The following EDIL3 variants were observed in gnomAD, a reference collection of about 807,000 sequenced individuals.
The protein encoded by EDIL3 is EGF like and discoidin domains 3, also known as EGF-like repeat and discoidin I-like domain-containing protein 3.
EDIL3 carries 37 observed loss-of-function variants against 67.4 expected under a neutral mutation model. That is an observed-to-expected ratio of 0.55 (90% confidence interval 0.42 to 0.72). The LOEUF is 0.72. Ranked by LOEUF, EDIL3 falls within the 30% of genes least tolerant of loss-of-function variation. The pLI, the probability that EDIL3 is intolerant of heterozygous loss-of-function variation, is 0.00. For missense variants in EDIL3, 527 were observed against 586.3 expected, an observed-to-expected ratio of 0.90 and a Z score of 1.04; for synonymous variants, 195 against 196.3, an observed-to-expected ratio of 0.99 and a Z score of 0.05.
intron 5 of EDIL3, among the ~76,000 whole-genome samples, chr5:84,134,182 C>A (rs891982157): frequency 2.6e-5 from 4 of 152,024 alleles, no homozygotes; most frequent in Admixed American, 6.6e-5. Context: ...GTAAATAATT[C>A]ACAGTTATTT....
intron 1 of EDIL3, among the ~76,000 whole-genome samples, chr5:84,340,534 C>CTCTCTCTA (rs1432966515): frequency 2.0e-3 from 108 of 54,190 alleles, no homozygotes; most frequent in Non-Finnish European, 2.8e-3. Flanking sequence ...CTCTCTCTCT[C>CTCTCTCTA]TATATATATA....
rs1299657872 is a variant in EDIL3, at chr5:84,106,802, A to C, written c.498T>G (p.Gly166=). ...YKCSGPLGIE[G]GIISNQQITA... is the part of the protein sequence containing the mutation. ...TGATTTGCTGGTTTGATATAATTCCACCTTCAATTCCCAGTGGGCCTGAGC... is the reference window on the plus strand; with the variant it reads ...TGATTTGCTGGTTTGATATAATTCCCCCTTCAATTCCCAGTGGGCCTGAGC... The change falls in exon 6 of 11, where the codon GGT becomes GGG. Residue 166 remains glycine, a synonymous_variant. Transcript: ENST00000296591. 1.2e-6 allele frequency: 2 copies of C among 1,609,322 alleles called. No homozygotes were observed. Among genetic ancestry groups the C allele is most frequent in the Non-Finnish European group, 8.5e-7 (1 of 1,178,422 alleles).
chr5:84,254,009 T>C (rs1350963041), intron 2 of EDIL3, 75 bp downstream of exon 2: 2 of 1,470,956 alleles, frequency 1.4e-6, no homozygotes. Context: ...ATCTCCATAA[T>C]GCACCACAGC....
chr5:84,122,883 G>A (rs989629396), intron 5 of EDIL3, among the ~76,000 whole-genome samples: 12 of 151,878 alleles, frequency 7.9e-5, no homozygotes, highest in Admixed American at 3.3e-4. Flanking sequence ...CAAAGCAGAG[G>A]TATAACATTT....
intron 3 of EDIL3, among the ~76,000 whole-genome samples, chr5:84,209,330 C>T (rs1744066558): frequency 6.6e-6 from 1 of 151,920 alleles, no homozygotes; most frequent in Non-Finnish European, 1.5e-5. Flanking sequence ...ACATATGTAA[C>T]TAACCTGTAC....
chr5:84,234,586 G>A (rs1398455322), intron 2 of EDIL3, among the ~76,000 whole-genome samples: 1 of 152,094 alleles, frequency 6.6e-6, no homozygotes, highest in Non-Finnish European at 1.5e-5. Context: ...AGTGTTTTAA[G>A]TAAACTTTTA....
At position 84,191,407 on chromosome 5, in the gene EDIL3, C is replaced by T. The variant is rs1743582604; in HGVS notation, c.227-10886G>A. On this transcript the variant is annotated intron_variant, in intron 3 of 10. Coordinates refer to ENST00000296591, the MANE Select transcript of EDIL3 (RefSeq NM_005711.5). Reference sequence around the variant, plus strand: ...GCACTCATATGGGAATGGCACCTACCTAGACTTCACAGCTGAGAACATTGG... The same window carrying T: ...GCACTCATATGGGAATGGCACCTACTTAGACTTCACAGCTGAGAACATTGG... Among the ~76,000 whole-genome samples, 4 of 152,134 alleles carry T rather than the reference C, an allele frequency of 2.6e-5. No individual in the cohort carries two copies. The East Asian group carries it at 7.8e-4, about 29-fold the overall frequency.
At chr5:84,299,450 A>T (rs1746113491) in intron 1 of EDIL3, among the ~76,000 whole-genome samples, 1 of 152,162 alleles carries the variant, frequency 6.6e-6, no homozygotes, top group South Asian at 2.1e-4. Flanking sequence ...CCCACTCCTC[A>T]TAGATCCCTA....
rs1020557927 is a variant in EDIL3 at position 84,074,248 on chromosome 5, G to T, written c.652-7642C>A. Among the ~76,000 whole-genome samples the T allele has an allele frequency of 4.8e-5, 7 of 147,362 alleles. 1 individual carries two copies. Among genetic ancestry groups the T allele is most frequent in the African/African-American group, 1.8e-4 (7 of 38,862 alleles). On this transcript the variant is annotated intron_variant, in intron 6 of 10. Transcript: ENST00000296591. ...TAGACCTAAAACCATAAACACCCGA[G>T]AAGAAAACCTAGGCATTACCATTCA...
intron 9 of EDIL3, among the ~76,000 whole-genome samples, chr5:84,020,216 C>A (rs1452568325): frequency 1.3e-5 from 2 of 151,914 alleles, no homozygotes; most frequent in Non-Finnish European, 1.5e-5. Flanking sequence ...ATAAATTCTC[C>A]CTTCATCTGA....
At chr5:84,333,270 G>C (rs1206892333) in intron 1 of EDIL3, among the ~76,000 whole-genome samples, 1 of 151,936 alleles carries the variant, frequency 6.6e-6, no homozygotes, top group Non-Finnish European at 1.5e-5. Context: ...ATTTGCATAA[G>C]AACATTGAAC....
chr5:84,118,610 T>C (rs1747716239), intron 5 of EDIL3, among the ~76,000 whole-genome samples: 1 of 152,132 alleles, frequency 6.6e-6, no homozygotes, highest in South Asian at 2.1e-4. Context: ...ATCTCTACTC[T>C]GAACAGAACC....
intron 1 of EDIL3, among the ~76,000 whole-genome samples, chr5:84,368,303 A>G (rs150321884): frequency 2.1e-4 from 32 of 152,304 alleles, no homozygotes; most frequent in Non-Finnish European, 3.8e-4. Context: ...GAAAGCTCAG[A>G]AATAAAGTTT....
At chr5:84,324,239 A>C (rs892589808) in intron 1 of EDIL3, among the ~76,000 whole-genome samples, 14 of 151,938 alleles carry the variant, frequency 9.2e-5, no homozygotes, top group African/African-American at 2.9e-4. Context: ...CAATGGAATG[A>C]AGTTAAAAAT....
chr5:84,251,005 G>GT (rs1745014004), intron 2 of EDIL3, among the ~76,000 whole-genome samples: 2 of 151,998 alleles, frequency 1.3e-5, no homozygotes, highest in African/African-American at 4.8e-5. Flanking sequence ...TTTTTTGTTT[G>GT]TTTGTTTTTT....
intron 3 of EDIL3, among the ~76,000 whole-genome samples, chr5:84,205,992 T>C (rs959433866): frequency 2.6e-5 from 4 of 152,116 alleles, no homozygotes; most frequent in African/African-American, 9.7e-5. Context: ...CTAGCTCTTG[T>C]AATTGTGATG....
At chr5:84,326,066 G>A (rs1287074712) in intron 1 of EDIL3, among the ~76,000 whole-genome samples, 1 of 151,984 alleles carries the variant, frequency 6.6e-6, no homozygotes, top group Non-Finnish European at 1.5e-5. Flanking sequence ...AATTCTTAAT[G>A]TCATTATCAT....
chr5:84,178,145 G>A (rs1471278966), intron 4 of EDIL3, among the ~76,000 whole-genome samples: 3 of 152,084 alleles, frequency 2.0e-5, no homozygotes, highest in Non-Finnish European at 4.4e-5. Context: ...TAGTTGCTAA[G>A]CTATGAAATT....
chr5:84,082,000 T>C (rs918289609), intron 6 of EDIL3, among the ~76,000 whole-genome samples: 2 of 152,250 alleles, frequency 1.3e-5, no homozygotes, highest in Non-Finnish European at 2.9e-5. Context: ...AATATCCAAT[T>C]ACTTTAAGTA....
Sources: gnomAD v4.1 joint callset for allele counts (sites outside exome capture counted in the v4.1 genomes callset) on GRCh38, gnomAD v4.1.1 for gene constraint, MANE v1.5 for transcripts, NCBI Gene and HGNC (gene_info 2026-07-23, HGNC 2026-07-21) for gene names.